Variants in GYPB observed in about 807,000 individuals in gnomAD.
The protein encoded by GYPB is glycophorin-B.
A neutral mutation model predicts 15.3 loss-of-function variants in GYPB; 13 were observed. That is an observed-to-expected ratio of 0.85 (90% confidence interval 0.55 to 1.35). The LOEUF is 1.35. Among genes scored for constraint, GYPB ranks in the 40% most tolerant of loss-of-function variants. The pLI is 0.00. For synonymous variants in GYPB, 38 were observed against 36.9 expected (o/e 1.03, Z -0.11); for missense variants, 131 against 108.3 (o/e 1.21, Z -0.93).
chr4:144,015,092 C>T (rs142399549), intron 1 of GYPB, among the ~76,000 whole-genome samples: 1,545 of 151,264 alleles, frequency 0.01, 116 homozygotes, highest in African/African-American at 0.036. Context: ...CTATGACCAA[C>T]GTACAAAAAT....
At chr4:143,998,743 T>G (rs1727452108) in intron 3 of GYPB, among the ~76,000 whole-genome samples, 1 of 140,604 alleles carries the variant, frequency 7.1e-6, no homozygotes, top group South Asian at 2.4e-4. Context: ...AATGCCTTGC[T>G]TTTTACATGA....
chr4:144,016,944 T>C (rs1461198247), intron 1 of GYPB: 4 of 348,808 alleles, frequency 1.1e-5, no homozygotes, highest in Admixed American at 3.6e-5. Context: ...GCTACCCTTT[T>C]CTTAAGCAGT....
At chr4:144,007,270 C>T (rs13105139) in intron 1 of GYPB, among the ~76,000 whole-genome samples, 4,996 of 142,886 alleles carry the variant, frequency 0.035, 4 homozygotes, top group African/African-American at 0.08. Context: ...TGGAGAAAAG[C>T]GTGGCCTATT....
At chr4:144,004,593 G>C (rs1157214237) in intron 1 of GYPB, among the ~76,000 whole-genome samples, 1 of 115,034 alleles carries the variant, frequency 8.7e-6, no homozygotes, top group Non-Finnish European at 1.7e-5. Flanking sequence ...AAATAAACCA[G>C]CATCTGGTTG....
chr4:144,019,127 T>C (rs1266132207), intron 1 of GYPB, 124 bp downstream of exon 1: 7 of 1,466,420 alleles, frequency 4.8e-6, no homozygotes, highest in Non-Finnish European at 6.4e-6. Context: ...TCCACCAGAC[T>C]GGAAGAGGAA....
Position 144,001,240 on chromosome 4 carries a change from C to T in GYPB, c.81G>A (p.Met27Ile), listed in dbSNP as rs1236996422. ...TGACTGAAGAAGAGGTTGAAGTGTG[C>T]ATTGCCACCTCAGTGGTACTTAATG... ...ISALSTTEVA[M>I]HTSTSSSVTK... Residue 27 changes from methionine (M) to isoleucine (I), a missense_variant, in exon 2 of 5, where the codon ATG becomes ATA. Physicochemically the swap from Met to Ile is conservative, Grantham distance 10. Transcript: ENST00000502664. The T allele has an allele frequency of 6.2e-7, 1 of 1,612,884 alleles. No homozygotes were observed. The highest frequency in any genetic ancestry group is 8.5e-7 in the Non-Finnish European group (1 of 1,179,804).
chr4:143,999,810 A>T (rs1727527690), intron 2 of GYPB, among the ~76,000 whole-genome samples: 1 of 151,480 alleles, frequency 6.6e-6, no homozygotes. Flanking sequence ...AGGCATATGG[A>T]GCCATTACTC....
intron 1 of GYPB, among the ~76,000 whole-genome samples, chr4:144,005,225 C>T (rs1727843641): frequency 6.6e-6 from 1 of 151,956 alleles, no homozygotes; most frequent in South Asian, 2.1e-4. Context: ...AATTAAATGA[C>T]TAGCTCAGAT....
At chr4:144,018,545 T>C (rs1175130878) in intron 1 of GYPB, among the ~76,000 whole-genome samples, 1 of 151,302 alleles carries the variant, frequency 6.6e-6, no homozygotes, top group Non-Finnish European at 1.5e-5. Context: ...TGTTTAACTA[T>C]AATATTCTCA....
In GYPB at chr4:144,009,119, A is replaced by G. The variant is rs112790533; in HGVS notation, c.38-7836T>C. On this transcript the variant is annotated intron_variant, in intron 1 of 4. Coordinates refer to ENST00000502664, the MANE Select transcript of GYPB (RefSeq NM_002100.6). Reference sequence around the variant, plus strand: ...TCTCCCTCACTTCCTCCCTCAATTCACATTTAATTTTACTTTAATCACTTT... The same window carrying G: ...TCTCCCTCACTTCCTCCCTCAATTCGCATTTAATTTTACTTTAATCACTTT... Among the ~76,000 whole-genome samples the G allele has an allele frequency of 4.2e-3, 637 of 151,282 alleles. 33 individuals are homozygous for G. Among genetic ancestry groups the G allele is most frequent in the African/African-American group, 0.015 (600 of 40,650 alleles).
At chr4:143,996,348 A>T in intron 4 of GYPB, 44 bp from the exon 5 acceptor site, 2 of 1,549,990 alleles carry the variant, frequency 1.3e-6, no homozygotes, top group Non-Finnish European at 8.7e-7. Flanking sequence ...CCTCTGCTTG[A>T]CCATGAGCTA....
intron 1 of GYPB, among the ~76,000 whole-genome samples, chr4:144,014,481 C>G (rs887435236): frequency 6.6e-6 from 1 of 151,594 alleles, no homozygotes; most frequent in African/African-American, 2.4e-5. Context: ...AATACTGATA[C>G]ACGCTACAAT....
At chr4:144,011,607 T>C (rs1728225242) in intron 1 of GYPB, among the ~76,000 whole-genome samples, 1 of 151,230 alleles carries the variant, frequency 6.6e-6, no homozygotes, top group South Asian at 2.1e-4. Flanking sequence ...TACAATACCA[T>C]TGAGAAATTT....
intron 1 of GYPB, 31 bp from the exon 2 acceptor site, chr4:144,001,314 A>T (rs1727614925): frequency 6.2e-7 from 1 of 1,612,594 alleles, no homozygotes. Flanking sequence ...GAAAGGGATT[A>T]AGAACGAGGT....
intron 1 of GYPB, among the ~76,000 whole-genome samples, chr4:144,014,650 G>A (rs1728398120): frequency 6.6e-6 from 1 of 151,332 alleles, no homozygotes; most frequent in Admixed American, 6.6e-5. Flanking sequence ...GCTGCTACTG[G>A]GTAAGAGGGT....
At chr4:144,009,718 A>T (rs1279879006) in intron 1 of GYPB, among the ~76,000 whole-genome samples, 1 of 132,844 alleles carries the variant, frequency 7.5e-6, no homozygotes, top group East Asian at 2.2e-4. Context: ...GGTTCACTCC[A>T]TTCTCCTGCC....
chr4:143,996,220 T>C lies in GYPB; in HGVS notation c.*79A>G. ...GGGGCATAAGCAAAGGAATAGCAGG[T>C]GCAGCCAGTTTGCATAAACAAGAGA... On this transcript the variant is annotated 3_prime_UTR_variant, in exon 5 of 5. Transcript: ENST00000502664. 8 of 1,549,488 alleles carry C rather than the reference T, an allele frequency of 5.2e-6. No homozygotes were observed. Among genetic ancestry groups the C allele is most frequent in the South Asian group, 1.2e-5 (1 of 83,964 alleles).
intron 2 of GYPB, among the ~76,000 whole-genome samples, chr4:143,999,851 G>GA (rs1159297291): frequency 7.0e-6 from 1 of 143,480 alleles, no homozygotes; most frequent in Non-Finnish European, 1.5e-5. Flanking sequence ...GCAAAGAAGG[G>GA]TCATGCGGCT....
At chr4:144,011,813 A>G (rs1238077592) in intron 1 of GYPB, among the ~76,000 whole-genome samples, 4 of 151,364 alleles carry the variant, frequency 2.6e-5, no homozygotes, top group African/African-American at 4.9e-5. Context: ...TTCCTGATAC[A>G]ATGTTTTTGA....
Sources: gnomAD v4.1 joint callset for allele counts (sites outside exome capture counted in the v4.1 genomes callset) on GRCh38, gnomAD v4.1.1 for gene constraint, MANE v1.5 for transcripts, NCBI Gene and HGNC (gene_info 2026-07-23, HGNC 2026-07-21) for gene names.